STK39: variants seen among roughly 807,000 people sequenced by gnomAD.
STK39 encodes serine/threonine kinase 39, also known as STE20/SPS1-related proline-alanine-rich protein kinase.
In STK39, 20 loss-of-function variants were observed where a neutral mutation model predicts 77.8. The observed-to-expected ratio is 0.26, with a 90% CI of 0.18 to 0.37. STK39 has a LOEUF of 0.37. Ranked by LOEUF, STK39 falls within the 10% of genes least tolerant of loss-of-function variation. STK39 has a pLI of 1.00. For synonymous variants in STK39, 246 were observed against 234.1 expected, an observed-to-expected ratio of 1.05 and a Z score of -0.47; for missense variants, 479 against 656.5, an observed-to-expected ratio of 0.73 and a Z score of 2.95.
At chr2:168,135,987 A>ATTTTT (rs5836172) in intron 8 of STK39, among the ~76,000 whole-genome samples, 1 of 146,692 alleles carries the variant, frequency 6.8e-6, no homozygotes. Context: ...CTTCTAAAGG[A>ATTTTT]TTTTTTTTTT....
At chr2:167,955,751 C>T (rs186499362) in intron 17 of STK39, among the ~76,000 whole-genome samples, 181 bp from the exon 18 acceptor site, 144 of 152,262 alleles carry the variant, frequency 9.5e-4, no homozygotes, top group Middle Eastern at 3.4e-3. Context: ...TAAGTGCTGT[C>T]AGCACTGTGG....
rs538345898 is a variant in STK39, at chr2:167,975,061, C to G, written c.1499-10335G>C. On this transcript the variant is annotated intron_variant, in intron 16 of 17. Coordinates refer to ENST00000355999, the MANE Select transcript of STK39 (RefSeq NM_013233.3). ...CTAATTTGGAGAAACAACTGGTATT[C>G]AAAAGTTAATATGTCTAATGTTAAT... 2.6e-3 allele frequency among the ~76,000 whole-genome samples: 401 copies of G among 152,242 alleles called. 3 individuals carry two copies. The highest frequency in any genetic ancestry group is 9.3e-3 in the African/African-American group (386 of 41,544).
intron 10 of STK39, among the ~76,000 whole-genome samples, chr2:168,108,094 G>A (rs942748018): frequency 1.3e-5 from 2 of 152,162 alleles, no homozygotes; most frequent in Admixed American, 6.5e-5. Context: ...GGAACAACAA[G>A]CTTTCTAAAA....
At chr2:168,065,007 A>C (rs943158291) in intron 13 of STK39, among the ~76,000 whole-genome samples, 1 of 152,236 alleles carries the variant, frequency 6.6e-6, no homozygotes, top group African/African-American at 2.4e-5. Context: ...GCAAAAAATA[A>C]AAGTATCAAT....
intron 10 of STK39, among the ~76,000 whole-genome samples, chr2:168,128,279 C>A (rs948462058): frequency 2.6e-5 from 4 of 152,164 alleles, no homozygotes; most frequent in Admixed American, 1.3e-4. Context: ...ATTTTAAATA[C>A]TTGATCAAAA....
intron 10 of STK39, among the ~76,000 whole-genome samples, chr2:168,087,960 T>C (rs955199303): frequency 7.2e-5 from 11 of 152,168 alleles, no homozygotes; most frequent in Admixed American, 5.2e-4. Context: ...GGTTAGCTAC[T>C]GGTTAAACAT....
Position 168,080,325 on chromosome 2 carries a change from G to A in STK39, c.1090-5094C>T, listed in dbSNP as rs538933055. Among the ~76,000 whole-genome samples the A allele has an allele frequency of 7.2e-5, 11 of 152,218 alleles. No individual in the cohort carries two copies. The East Asian group carries it at 1.5e-3, about 21-fold the overall frequency. On this transcript the variant is annotated intron_variant, in intron 10 of 17. Coordinates refer to ENST00000355999, the MANE Select transcript of STK39 (RefSeq NM_013233.3). ...AAGTTTGGAAAATTTGCAGCCTGAC[G>A]ATGTGACAGAAAAGAAAATCCCAGC...
chr2:168,141,734 A>T (rs1464872699), intron 5 of STK39, among the ~76,000 whole-genome samples: 1 of 152,234 alleles, frequency 6.6e-6, no homozygotes, highest in South Asian at 2.1e-4. Flanking sequence ...GTGCAGTCTG[A>T]GCCCCTGCAA....
At chr2:168,090,674 C>T (rs562494886) in intron 10 of STK39, among the ~76,000 whole-genome samples, 9 of 152,136 alleles carry the variant, frequency 5.9e-5, no homozygotes, top group African/African-American at 1.4e-4. Flanking sequence ...TAGGCTAAAA[C>T]GTAAGACACA....
intron 10 of STK39, among the ~76,000 whole-genome samples, chr2:168,124,296 A>G (rs1687484648): frequency 6.6e-6 from 1 of 152,154 alleles, no homozygotes; most frequent in African/African-American, 2.4e-5. Flanking sequence ...TTTCCTCTTC[A>G]TTCCCTCCTA....
intron 5 of STK39, among the ~76,000 whole-genome samples, chr2:168,152,014 GCAGGTGAATTTT>G (rs1461251066): frequency 6.6e-6 from 1 of 152,154 alleles, no homozygotes; most frequent in African/African-American, 2.4e-5. Context: ...TTGCCCCAAA[GCAGGTGAATTTT>G]CAGTAAGAAG....
chr2:168,153,739 C>T (rs990278081), intron 5 of STK39, among the ~76,000 whole-genome samples: 2 of 152,026 alleles, frequency 1.3e-5, no homozygotes, highest in Non-Finnish European at 2.9e-5. Flanking sequence ...AAAGAAGGAA[C>T]GGCCCATGCA....
chr2:168,111,388 T>A (rs994299261), intron 10 of STK39, among the ~76,000 whole-genome samples: 4 of 152,312 alleles, frequency 2.6e-5, no homozygotes, highest in African/African-American at 9.6e-5. Context: ...ATTTTCTCAG[T>A]TTTGTTAATC....
rs183361285 is a variant in STK39 at position 168,069,145 on chromosome 2, T to C, written c.1243-3764A>G. Among the ~76,000 whole-genome samples the C allele has an allele frequency of 7.9e-5, 12 of 152,286 alleles. 1 individual carries two copies. The highest frequency in any genetic ancestry group is 2.6e-4 in the African/African-American group (11 of 41,562). On this transcript the variant is annotated intron_variant, in intron 12 of 17. Transcript: ENST00000355999. ...GTTGGCCAGGCTGGTCTTGAACTCC[T>C]GGCCTCAGGTGATCCACCCGCCTCA...
intron 10 of STK39, among the ~76,000 whole-genome samples, chr2:168,100,935 T>C (rs1022337864): frequency 2.0e-5 from 3 of 147,074 alleles, no homozygotes; most frequent in Non-Finnish European, 4.5e-5. Flanking sequence ...CTATTCACAA[T>C]AGCAAAGACT....
intron 1 of STK39, among the ~76,000 whole-genome samples, chr2:168,244,003 A>G (rs138396744): frequency 1.1e-3 from 164 of 152,286 alleles, no homozygotes; most frequent in African/African-American, 3.7e-3. Context: ...AAAGACAGAA[A>G]TATTTGAAAT....
At chr2:167,959,787 G>T (rs1421455372) in intron 17 of STK39, among the ~76,000 whole-genome samples, 1 of 152,180 alleles carries the variant, frequency 6.6e-6, no homozygotes, top group East Asian at 1.9e-4. Context: ...GACAGTGCCT[G>T]GCTCTGAGGA....
At chr2:167,990,174 G>T (rs1243800953) in intron 16 of STK39, among the ~76,000 whole-genome samples, 1 of 152,158 alleles carries the variant, frequency 6.6e-6, no homozygotes, top group Non-Finnish European at 1.5e-5. Context: ...AGATGCAGCT[G>T]CCTGGGAGAA....
At chr2:168,038,703 AAAGAAT>A (rs1418633566) in intron 14 of STK39, among the ~76,000 whole-genome samples, 21 of 152,292 alleles carry the variant, frequency 1.4e-4, no homozygotes, top group African/African-American at 4.8e-4. Flanking sequence ...CAGATTATAT[AAAGAAT>A]TTATGTAACT....
Sources: gnomAD v4.1 joint callset for allele counts (sites outside exome capture counted in the v4.1 genomes callset) on GRCh38, gnomAD v4.1.1 for gene constraint, MANE v1.5 for transcripts, NCBI Gene and HGNC (gene_info 2026-07-23, HGNC 2026-07-21) for gene names.